The following APC2 variants were observed in gnomAD, a reference collection of about 807,000 sequenced individuals.
APC2 encodes the protein APC regulator of Wnt signaling pathway 2.
APC2 carries 41 observed loss-of-function variants against 72.5 expected under a neutral mutation model. That is an observed-to-expected ratio of 0.57 (90% confidence interval 0.44 to 0.73). The LOEUF (loss-of-function observed/expected upper bound fraction) is 0.73, where lower values mean the gene tolerates loss of function less well. Ranked by LOEUF, APC2 falls within the 30% of genes least tolerant of loss-of-function variation. The probability of loss-of-function intolerance (pLI) is 0.00; values close to 1 mark genes in which losing one functional copy is unlikely to be tolerated. For synonymous variants in APC2, 1,898 were observed against 1,612.0 expected (o/e 1.18, Z -4.25); for missense variants, 3,729 against 3,403.4 (o/e 1.10, Z -2.38).
In APC2 at chr19:1,460,134, A is replaced by G. The variant is rs762684696; in HGVS notation, c.1304-47A>G. On this transcript the variant is annotated intron_variant, in intron 10 of 14. Coordinates refer to ENST00000590469, the MANE Select transcript of APC2 (RefSeq NM_005883.3). ...GGAGTGAGGTGGGGCGCTGGGCAGCAGGCAGGGTCATCCCTGCCACCCACC... is the reference window on the plus strand; with the variant it reads ...GGAGTGAGGTGGGGCGCTGGGCAGCGGGCAGGGTCATCCCTGCCACCCACC... The G allele has an allele frequency of 3.1e-6, 5 of 1,610,134 alleles. No individual in the cohort carries two copies. The African/African-American group carries it at 5.3e-5, about 17-fold the overall frequency.
rs528448967 is a variant in APC2, at chr19:1,455,375, C to G, written c.523-9C>G. On this transcript the variant is annotated splice_polypyrimidine_tract_variant and intron_variant, in intron 5 of 14. Transcript: ENST00000590469. ...CCCTCACCGTGGCCCGCCCGCCTGCCTTTGCCAGCAGTTCTCGATGCAGAT... is the reference window on the plus strand; with the variant it reads ...CCCTCACCGTGGCCCGCCCGCCTGCGTTTGCCAGCAGTTCTCGATGCAGAT... 6.2e-7 allele frequency: 1 copy of G among 1,607,282 alleles called. No individual in the cohort carries two copies.
upstream of APC2, among the ~76,000 whole-genome samples, chr19:1,448,565 G>A (rs2083707541): frequency 1.4e-5 from 2 of 140,614 alleles, no homozygotes; most frequent in Admixed American, 7.4e-5. Flanking sequence ...AAAAAAAAAG[G>A]CCGGGCGTGG....
At position 1,467,953 on chromosome 19, in the gene APC2, C is replaced by G. The variant is rs753606996; in HGVS notation, c.4652C>G (p.Pro1551Arg). 1.3e-6 allele frequency: 2 copies of G among 1,584,492 alleles called. No homozygotes were observed. The highest frequency in any genetic ancestry group is 1.4e-5 in the African/African-American group (1 of 72,608). The change falls in exon 15 of 15, where the codon CCG becomes CGG. Residue 1551 changes from proline (P) to arginine (R), a missense_variant. Physicochemically the swap from Pro to Arg is moderately radical, Grantham distance 103. Coordinates refer to ENST00000590469, the MANE Select transcript of APC2 (RefSeq NM_005883.3). ...CAGGGCCGGAAGGAGGCCCCTGCCC[C>G]GTCCAAGGCTGCACCAGCTGCCCCG... is the stretch of plus-strand genomic sequence containing the variant. Reference protein sequence around the residue: ...RPQGRKEAPAPSKAAPAAPPP... With the variant: ...RPQGRKEAPARSKAAPAAPPP...
rs771948436 is a variant in APC2 at position 1,465,894 on chromosome 19, C to G, written c.2593C>G (p.His865Asp). The change falls in exon 15 of 15, where the codon CAC becomes GAC. Residue 865 changes from histidine to aspartate, a missense_variant. By Grantham distance (81) the His-to-Asp change is moderately conservative. Coordinates refer to ENST00000590469, the MANE Select transcript of APC2 (RefSeq NM_005883.3). ...DQLVEDISAL[H>D]TSSDDSFSLS... ...GCTGGTGGAGGACATCTCCGCCCTG[C>G]ACACCTCGTCCGACGATAGCTTCAG... 6.4e-7 allele frequency: 1 copy of G among 1,574,436 alleles called. No homozygotes were observed. The highest frequency in any genetic ancestry group is 8.6e-7 in the Non-Finnish European group (1 of 1,165,368).
chr19:1,468,516 C>T lies in APC2; in HGVS notation c.5215C>T (p.Arg1739Ter). 6.2e-7 allele frequency: 1 copy of T among 1,602,770 alleles called. No homozygotes were observed. The highest frequency in any genetic ancestry group is 8.5e-7 in the Non-Finnish European group (1 of 1,174,414). ...ACAGCCCCCCAAGCACAGGAAGGGACGACAGGCGGAGGGAGAAATGGGCAG... is the reference window on the plus strand; with the variant it reads ...ACAGCCCCCCAAGCACAGGAAGGGATGACAGGCGGAGGGAGAAATGGGCAG... ...TLQPPKHRKG[R>*]QAEGEMGSAR... Residue 1739 changes from arginine (R) to a stop codon, truncating the protein, a stop_gained, in exon 15 of 15, where the codon CGA (arginine) becomes TGA (stop). Transcript: ENST00000590469. LOFTEE classifies it low-confidence loss of function (END_TRUNC).
chr19:1,456,510 A>C, intron 8 of APC2, 106 bp downstream of exon 8: 1 of 1,219,282 alleles, frequency 8.2e-7, no homozygotes, highest in Non-Finnish European at 1.1e-6. Flanking sequence ...TCCATCCAGC[A>C]CCCCCTCGGG....
chr19:1,465,776 C>G lies in APC2; in HGVS notation c.2475C>G (p.Gly825=). The G allele has an allele frequency of 6.4e-7, 1 of 1,566,792 alleles. No individual in the cohort carries two copies. The highest frequency in any genetic ancestry group is 8.6e-7 in the Non-Finnish European group (1 of 1,158,112). Residue 825 remains glycine (G), a synonymous_variant, in exon 15 of 15, where the codon GGC becomes GGG. Coordinates refer to ENST00000590469, the MANE Select transcript of APC2 (RefSeq NM_005883.3). ...ALARTPPTRR[G]GKEAEKDTSG... ...CTCGCACCCCGCCCACCCGCCGAGG[C>G]GGCAAGGAGGCAGAGAAGGACACCA...
chr19:1,457,360 G>T, intron 9 of APC2, 117 bp downstream of exon 9: 1 of 1,383,844 alleles, frequency 7.2e-7, no homozygotes, highest in South Asian at 1.5e-5. Context: ...GTTGGAGGCT[G>T]CAGTACCAGG....
rs1342517129 is a variant in APC2, at chr19:1,465,760, C to T, written c.2459C>T (p.Pro820Leu). 40 of 1,532,066 alleles carry T rather than the reference C, an allele frequency of 2.6e-5. No individual in the cohort carries two copies. The highest frequency in any genetic ancestry group is 3.3e-5 in the Non-Finnish European group (38 of 1,142,222). The allele number at this position is 1,532,066 out of a possible 1,614,324, so 94.9% of individuals were successfully genotyped here. Residue 820 changes from proline (P) to leucine (L), a missense_variant, in exon 15 of 15, where the codon CCG becomes CTG. Physicochemically the swap from Pro to Leu is moderately conservative, Grantham distance 98. Transcript: ENST00000590469. Reference protein sequence around the residue: ...FLQGQALARTPPTRRGGKEAE... With the variant: ...FLQGQALARTLPTRRGGKEAE... Reference sequence around the variant, plus strand: ...CAGGGGCAGGCGCTGGCTCGCACCCCGCCCACCCGCCGAGGCGGCAAGGAG... The same window carrying T: ...CAGGGGCAGGCGCTGGCTCGCACCCTGCCCACCCGCCGAGGCGGCAAGGAG...
chr19:1,454,367 T>G (rs946162948), intron 4 of APC2, among the ~76,000 whole-genome samples: 3 of 119,214 alleles, frequency 2.5e-5, no homozygotes, highest in Non-Finnish European at 1.6e-5. Flanking sequence ...GCTTTCTCTT[T>G]TTTTTTTTTT....
chr19:1,455,382 A>G lies in APC2; in HGVS notation c.523-2A>G. On this transcript the variant is annotated splice_acceptor_variant, in intron 5 of 14. Transcript: ENST00000590469. LOFTEE classifies it high-confidence loss of function. ...CGTGGCCCGCCCGCCTGCCTTTGCC[A>G]GCAGTTCTCGATGCAGATGGACCTG... 1 of 1,608,128 alleles carries G rather than the reference A, an allele frequency of 6.2e-7. No homozygotes were observed. Among genetic ancestry groups the G allele is most frequent in the Non-Finnish European group, 8.5e-7 (1 of 1,177,862 alleles).
Position 1,455,449 on chromosome 19 carries a change from G to A in APC2, c.588G>A (p.Ser196=), listed in dbSNP as rs1337857483. 1.2e-6 allele frequency: 2 copies of A among 1,606,864 alleles called. No individual in the cohort carries two copies. Among genetic ancestry groups the A allele is most frequent in the South Asian group, 2.2e-5 (2 of 89,888 alleles). ...AGTTCGAGGCCCAGCACATCCGCTC[G>A]CTGATGGAGGAGCGCTTCGGCACCT... is the stretch of plus-strand genomic sequence containing the variant. The part of the protein sequence containing the change: ...QLEFEAQHIR[S]LMEERFGTSD... The change falls in exon 6 of 15, where the codon TCG becomes TCA. Residue 196 remains serine, a synonymous_variant. Transcript: ENST00000590469.
rs762097433 is a variant in APC2, at chr19:1,465,859, G to C, written c.2558G>C (p.Arg853Pro). The change falls in exon 15 of 15, where the codon CGC (arginine) becomes CCC (proline). Residue 853 changes from arginine (R) to proline (P), a missense_variant. Arg to Pro is a moderately radical substitution (Grantham distance 103, BLOSUM62 -2). Coordinates refer to ENST00000590469, the MANE Select transcript of APC2 (RefSeq NM_005883.3). ...GCCAAGCTGGCGCTTGCAGTGGCGCGCATCGACCAGCTGGTGGAGGACATC... is the reference window on the plus strand; with the variant it reads ...GCCAAGCTGGCGCTTGCAGTGGCGCCCATCGACCAGCTGGTGGAGGACATC... Reference protein sequence around the residue: ...AKAKLALAVARIDQLVEDISA... With the variant: ...AKAKLALAVAPIDQLVEDISA... 2 of 1,567,146 alleles carry C rather than the reference G, an allele frequency of 1.3e-6. No individual in the cohort carries two copies. The highest frequency in any genetic ancestry group is 1.7e-6 in the Non-Finnish European group (2 of 1,158,678).
chr19:1,468,061 G>A lies in APC2; in HGVS notation c.4760G>A (p.Ser1587Asn). The change falls in exon 15 of 15, where the codon AGC becomes AAC. Residue 1587 changes from serine to asparagine, a missense_variant. Ser to Asn is a conservative substitution (Grantham distance 46). Transcript: ENST00000590469. ...CTGAGCTCCTCCGCCAGCTCCCTCA[G>A]CGAGCCCGAGCCCTCGGAGCCGCCG... ...YSLSSSASSLSEPEPSEPPAV... is the reference protein window; with the variant it reads ...YSLSSSASSLNEPEPSEPPAV... 1 of 1,571,218 alleles carries A rather than the reference G, an allele frequency of 6.4e-7. No individual in the cohort carries two copies. Among genetic ancestry groups the A allele is most frequent in the African/African-American group, 1.4e-5 (1 of 71,688 alleles).
Position 1,457,009 on chromosome 19 carries a change from G to T in APC2, c.973G>T (p.Glu325Ter). ...GCTGCTGCAAATCCTCCACGGCACC[G>T]AGGCCGCGGCCGGGGGTCGCGCCGG... is the stretch of plus-strand genomic sequence containing the variant. ...PLLLQILHGT[E>*]AAAGGRAGAP... is the part of the protein sequence containing the mutation. Residue 325 changes from glutamate (E) to a stop codon, truncating the protein, a stop_gained, in exon 9 of 15, where the codon GAG (glutamate) becomes TAG (stop). Transcript: ENST00000590469. LOFTEE classifies it high-confidence loss of function. 1 of 1,529,514 alleles carries T rather than the reference G, an allele frequency of 6.5e-7. No homozygotes were observed. The highest frequency in any genetic ancestry group is 8.7e-7 in the Non-Finnish European group (1 of 1,144,400). 94.7% of individuals were successfully genotyped at this position (1,529,514 alleles called of 1,614,324 possible). A position where few individuals can be genotyped will look rare whatever the true frequency, so the allele number is the denominator to read the frequency against.
At chr19:1,448,958 G>A (rs928537135), upstream of APC2, among the ~76,000 whole-genome samples, 3 of 152,200 alleles carry the variant, frequency 2.0e-5, no homozygotes, top group Non-Finnish European at 2.9e-5. Flanking sequence ...AGCTCTGGGG[G>A]CTCCCAGACA....
Position 1,469,022 on chromosome 19 carries a change from G to C in APC2, c.5721G>C (p.Pro1907=). 1 of 1,548,358 alleles carries C rather than the reference G, an allele frequency of 6.5e-7. No homozygotes were observed. Among genetic ancestry groups the C allele is most frequent in the Non-Finnish European group, 8.7e-7 (1 of 1,150,152 alleles). Residue 1907 remains proline, a synonymous_variant, in exon 15 of 15, where the codon CCG becomes CCC. Transcript: ENST00000590469. ...AGALPGPGAS[P]VPKTPARTLL... ...CCCTGCCCGGCCCCGGAGCCTCCCC[G>C]GTGCCCAAAACGCCGGCGCGCACCC...
At chr19:1,464,952 A>C (rs796928) in intron 14 of APC2, among the ~76,000 whole-genome samples, 4,584 of 145,310 alleles carry the variant, frequency 0.032, 237 homozygotes, top group African/African-American at 0.11. Flanking sequence ...TTTTTTTTTA[A>C]CTCCATCTCA....
At chr19:1,461,843 T>G (rs776196435) in intron 13 of APC2, 120 bp from the exon 14 acceptor site, 7 of 809,254 alleles carry the variant, frequency 8.6e-6, no homozygotes, top group Admixed American at 5.9e-5. Context: ...GAGAGTGAGA[T>G]TCCGTCTCAA....
Sources: gnomAD v4.1 joint callset for allele counts (sites outside exome capture counted in the v4.1 genomes callset) on GRCh38, gnomAD v4.1.1 for gene constraint, MANE v1.5 for transcripts, NCBI Gene and HGNC (gene_info 2026-07-23, HGNC 2026-07-21) for gene names.